XIRP2: variants seen among roughly 807,000 people sequenced by gnomAD.
The protein encoded by XIRP2 is xin actin-binding repeat-containing protein 2.
Under a neutral mutation model 277.0 loss-of-function variants are expected in XIRP2, and 236 were observed. That is an observed-to-expected ratio of 0.85 (90% confidence interval 0.77 to 0.95). XIRP2 has a LOEUF of 0.95. Among genes scored for constraint, XIRP2 ranks in the 40% least tolerant of loss-of-function variants. XIRP2 has a pLI of 0.00. For missense variants in XIRP2, 4,640 were observed against 4,157.5 expected (o/e 1.12, Z -3.19); for synonymous variants, 1,490 against 1,416.5 (o/e 1.05, Z -1.17).
intron 2 of XIRP2, among the ~76,000 whole-genome samples, chr2:167,009,438 C>A (rs906068107): frequency 1.3e-5 from 2 of 152,008 alleles, no homozygotes; most frequent in South Asian, 4.2e-4. Context: ...TGTATATGTG[C>A]CACATTTTCT....
chr2:166,914,386 G>T (rs938061741), intron 2 of XIRP2, among the ~76,000 whole-genome samples: 2 of 152,146 alleles, frequency 1.3e-5, no homozygotes, highest in Non-Finnish European at 2.9e-5. Flanking sequence ...TGTCACCCAG[G>T]CTGGAGTGCA....
chr2:167,024,859 T>C (rs1320910320), intron 2 of XIRP2, among the ~76,000 whole-genome samples: 2 of 152,184 alleles, frequency 1.3e-5, no homozygotes, highest in Non-Finnish European at 2.9e-5. Context: ...GGTTTGCCAG[T>C]ATTTTATTGA....
intron 2 of XIRP2, among the ~76,000 whole-genome samples, chr2:166,952,730 T>C (rs1686067546): frequency 6.6e-6 from 1 of 152,024 alleles, no homozygotes; most frequent in Admixed American, 6.6e-5. Context: ...TCTGTTTTTT[T>C]TTCAGACTTC....
At chr2:167,099,890 A>G (rs1006237272) in intron 2 of XIRP2, among the ~76,000 whole-genome samples, 2 of 152,136 alleles carry the variant, frequency 1.3e-5, no homozygotes, top group East Asian at 1.9e-4. Flanking sequence ...TTGAAAATGC[A>G]GAGATCACCC....
chr2:167,014,408 G>T (rs971968863), intron 2 of XIRP2, among the ~76,000 whole-genome samples: 2 of 151,708 alleles, frequency 1.3e-5, no homozygotes, highest in Non-Finnish European at 2.9e-5. Context: ...AGAAGATATT[G>T]TTTCCACAAA....
chr2:166,896,875 T>C (rs1684257562), intron 1 of XIRP2, among the ~76,000 whole-genome samples: 1 of 152,178 alleles, frequency 6.6e-6, no homozygotes, highest in Non-Finnish European at 1.5e-5. Context: ...ATATTTTTAC[T>C]GTACCTTTTC....
intron 2 of XIRP2, among the ~76,000 whole-genome samples, chr2:167,127,437 T>C (rs67074513): frequency 0.33 from 50,773 of 152,026 alleles, 10,799 homozygotes; most frequent in African/African-American, 0.61. Flanking sequence ...CAGAAATGCT[T>C]CATGTGGACT....
intron 2 of XIRP2, among the ~76,000 whole-genome samples, chr2:166,916,988 A>G (rs1298622198): frequency 6.6e-6 from 1 of 152,210 alleles, no homozygotes; most frequent in Non-Finnish European, 1.5e-5. Context: ...CCAAGGTAGC[A>G]CTACATGAAT....
intron 2 of XIRP2, among the ~76,000 whole-genome samples, chr2:166,936,470 G>A (rs1407542576): frequency 6.6e-6 from 1 of 152,196 alleles, no homozygotes; most frequent in Non-Finnish European, 1.5e-5. Flanking sequence ...TGGTGTTTTA[G>A]ACATGAAGTC....
At chr2:167,059,759 A>G (rs539274205) in intron 2 of XIRP2, among the ~76,000 whole-genome samples, 80 of 152,316 alleles carry the variant, frequency 5.3e-4, no homozygotes, top group Admixed American at 3.5e-3. Context: ...ACACATCTCC[A>G]GGCATGAATA....
chr2:167,040,904 G>T (rs1043589836), intron 2 of XIRP2, among the ~76,000 whole-genome samples: 3 of 152,214 alleles, frequency 2.0e-5, no homozygotes, highest in Non-Finnish European at 2.9e-5. Context: ...ATTGTGAGGG[G>T]CATGCACAGA....
chr2:167,250,976 G>C lies in XIRP2; in HGVS notation c.9584G>C (p.Gly3195Ala). ...LKDTTAKLSK[G>A]AIPCPAATPV... The stretch of plus-strand genomic sequence containing the variant: ...GACACCACTGCAAAGTTATCCAAAG[G>C]GGCCATCCCATGTCCAGCAGCAACC... Residue 3195 changes from glycine (G) to alanine (A), a missense_variant, in exon 9 of 11, where the codon GGG (glycine) becomes GCG (alanine). Physicochemically the swap from Gly to Ala is moderately conservative, Grantham distance 60. Coordinates refer to ENST00000409195, the MANE Select transcript of XIRP2 (RefSeq NM_152381.6). 6.2e-7 allele frequency: 1 copy of C among 1,613,500 alleles called. No homozygotes were observed. Among genetic ancestry groups the C allele is most frequent in the South Asian group, 1.1e-5 (1 of 91,066 alleles).
intron 3 of XIRP2, among the ~76,000 whole-genome samples, chr2:167,147,136 C>T (rs1691885279): frequency 6.6e-6 from 1 of 151,990 alleles, no homozygotes; most frequent in African/African-American, 2.4e-5. Context: ...CAGAAATAAA[C>T]AATATCACAG....
intron 2 of XIRP2, among the ~76,000 whole-genome samples, chr2:166,963,088 A>T (rs1686339042): frequency 6.6e-6 from 1 of 151,770 alleles, no homozygotes; most frequent in Admixed American, 6.6e-5. Flanking sequence ...ACTATTCATT[A>T]TATATATTGA....
At chr2:167,067,611 A>G (rs1689329460) in intron 2 of XIRP2, among the ~76,000 whole-genome samples, 1 of 152,038 alleles carries the variant, frequency 6.6e-6, no homozygotes, top group African/African-American at 2.4e-5. Flanking sequence ...GCCAGAAAAA[A>G]CATATCTTAA....
intron 2 of XIRP2, among the ~76,000 whole-genome samples, chr2:167,038,417 A>G: frequency 6.6e-6 from 1 of 151,660 alleles, no homozygotes. Flanking sequence ...CCTCTTTAAT[A>G]TACATAAATA....
intron 2 of XIRP2, among the ~76,000 whole-genome samples, chr2:166,995,627 C>T (rs911302786): frequency 6.6e-6 from 1 of 152,166 alleles, no homozygotes; most frequent in African/African-American, 2.4e-5. Context: ...TAAATTTCTC[C>T]ATCTCCTATA....
rs761916641 is a variant in XIRP2 at position 167,243,734 on chromosome 2, C to A, written c.2342C>A (p.Thr781Lys). 4.3e-6 allele frequency: 7 copies of A among 1,613,892 alleles called. No homozygotes were observed. The highest frequency in any genetic ancestry group is 5.9e-6 in the Non-Finnish European group (7 of 1,179,916). ...ATGTTTGAAACACAGCCGTTGGACA[C>A]AATTAACAAAGATATCACAGAAATT... The part of the protein sequence containing the change: ...RWMFETQPLD[T>K]INKDITEIKV... The change falls in exon 9 of 11, where the codon ACA becomes AAA. Residue 781 changes from threonine (T) to lysine (K), a missense_variant. Physicochemically the swap from Thr to Lys is moderately conservative, Grantham distance 78. Coordinates refer to ENST00000409195, the MANE Select transcript of XIRP2 (RefSeq NM_152381.6).
chr2:167,238,754 T>C (rs1032667221), intron 5 of XIRP2, among the ~76,000 whole-genome samples: 2 of 152,184 alleles, frequency 1.3e-5, no homozygotes, highest in African/African-American at 2.4e-5. Context: ...GATATCAAGA[T>C]AAAAGTGAAG....
Sources: allele counts gnomAD v4.1 joint callset (sites outside exome capture counted in the v4.1 genomes callset), GRCh38; gene constraint gnomAD v4.1.1; transcripts MANE v1.5; gene names NCBI Gene and HGNC (gene_info 2026-07-23, HGNC 2026-07-21).